The following GRID1 variants were observed in gnomAD, a reference collection of about 807,000 sequenced individuals.
GRID1 encodes glutamate receptor ionotropic, delta-1.
GRID1 carries 28 observed loss-of-function variants against 98.0 expected under a neutral mutation model. That is an observed-to-expected ratio of 0.29 (90% CI 0.21 to 0.39). The LOEUF is 0.39. Ranked by LOEUF, GRID1 falls within the 10% of genes least tolerant of loss-of-function variation. The probability of loss-of-function intolerance (pLI) is 1.00; values close to 1 mark genes in which losing one functional copy is unlikely to be tolerated. For synonymous variants in GRID1, 553 were observed against 538.5 expected, an observed-to-expected ratio of 1.03 and a Z score of -0.37; for missense variants, 1,111 against 1,340.5, an observed-to-expected ratio of 0.83 and a Z score of 2.67.
chr10:86,274,320 A>T (rs1847232983), intron 2 of GRID1, among the ~76,000 whole-genome samples: 1 of 152,194 alleles, frequency 6.6e-6, no homozygotes, highest in South Asian at 2.1e-4. Flanking sequence ...GTAGCCTTGT[A>T]GTATAGTTTG....
chr10:86,119,380 T>C (rs1311506495), intron 4 of GRID1, among the ~76,000 whole-genome samples: 3 of 152,026 alleles, frequency 2.0e-5, no homozygotes, highest in East Asian at 1.9e-4. Flanking sequence ...AAATGAAATA[T>C]AGACTTTAGT....
intron 12 of GRID1, among the ~76,000 whole-genome samples, chr10:85,697,720 C>T (rs1841409447): frequency 6.6e-6 from 1 of 152,056 alleles, no homozygotes; most frequent in Non-Finnish European, 1.5e-5. Flanking sequence ...TATGTAGCTC[C>T]GTTAAAATGT....
intron 2 of GRID1, among the ~76,000 whole-genome samples, chr10:86,227,654 C>T (rs1278521389): frequency 1.3e-5 from 2 of 152,078 alleles, no homozygotes; most frequent in Non-Finnish European, 2.9e-5. Flanking sequence ...ACGTCTGAGC[C>T]CCAGCCCATG....
chr10:85,973,615 T>C (rs976561150), intron 4 of GRID1, among the ~76,000 whole-genome samples: 3 of 152,236 alleles, frequency 2.0e-5, no homozygotes, highest in Non-Finnish European at 2.9e-5. Flanking sequence ...ATTTTCTAAC[T>C]ATTTCTATAT....
intron 8 of GRID1, among the ~76,000 whole-genome samples, chr10:85,819,539 T>A (rs1486235644): frequency 2.0e-5 from 3 of 152,230 alleles, no homozygotes; most frequent in Non-Finnish European, 4.4e-5. Flanking sequence ...GGATATCATG[T>A]ATCCCCTGAT....
Position 85,601,577 on chromosome 10 carries a change from A to AG in GRID1, c.*695_*696insC, listed in dbSNP as rs1842576485. ...CAGTATCAAAGCCCTCAATTACCTC[A>AG]CTATGGGTAATTGTCAGCTTCTCTC... is the stretch of plus-strand genomic sequence containing the variant. On this transcript the variant is annotated 3_prime_UTR_variant, in exon 16 of 16. Coordinates refer to ENST00000327946, the MANE Select transcript of GRID1 (RefSeq NM_017551.3). 1 of 152,202 alleles carries AG rather than the reference A, an allele frequency of 6.6e-6. No individual in the cohort carries two copies. Among genetic ancestry groups the AG allele is most frequent in the Non-Finnish European group, 1.5e-5 (1 of 68,060 alleles). The allele number at this position is 152,202 out of a possible 1,614,324, so 9.4% of individuals were successfully genotyped here.
At chr10:85,667,536 G>T (rs1273970534) in intron 12 of GRID1, among the ~76,000 whole-genome samples, 1 of 152,188 alleles carries the variant, frequency 6.6e-6, no homozygotes, top group East Asian at 1.9e-4. Flanking sequence ...GGAATCTGGA[G>T]CCCAGAAGGT....
chr10:86,210,196 T>C (rs1047472790), intron 2 of GRID1, among the ~76,000 whole-genome samples: 1 of 152,094 alleles, frequency 6.6e-6, no homozygotes, highest in African/African-American at 2.4e-5. Context: ...CCTTTCAGGG[T>C]CTCAGGAGAG....
intron 13 of GRID1, among the ~76,000 whole-genome samples, chr10:85,631,822 GA>G (rs2132535592): frequency 6.6e-6 from 1 of 152,186 alleles, no homozygotes; most frequent in East Asian, 1.9e-4. Context: ...ATTACAAAGG[GA>G]AAAGAATACA....
intron 4 of GRID1, among the ~76,000 whole-genome samples, chr10:85,961,100 C>T (rs1842260950): frequency 6.6e-6 from 1 of 152,114 alleles, no homozygotes; most frequent in Non-Finnish European, 1.5e-5. Flanking sequence ...GCAGTACATC[C>T]TAAGCCCAGA....
chr10:85,961,881 G>T (rs932543020), intron 4 of GRID1, among the ~76,000 whole-genome samples: 12 of 151,866 alleles, frequency 7.9e-5, no homozygotes, highest in Non-Finnish European at 1.8e-4. Context: ...AGAGAGAGAG[G>T]GAAGGAGGGA....
At chr10:85,643,540 A>G (rs1355279991) in intron 13 of GRID1, among the ~76,000 whole-genome samples, 2 of 152,196 alleles carry the variant, frequency 1.3e-5, no homozygotes, top group African/African-American at 4.8e-5. Flanking sequence ...CAGATTTCAG[A>G]CAAGCATTTA....
intron 2 of GRID1, among the ~76,000 whole-genome samples, chr10:86,357,099 G>C (rs1434451803): frequency 1.3e-5 from 2 of 152,226 alleles, no homozygotes; most frequent in African/African-American, 4.8e-5. Flanking sequence ...CCTAGACCTA[G>C]AAACAAAAGG....
intron 5 of GRID1, among the ~76,000 whole-genome samples, chr10:85,909,447 A>C (rs1398393607): frequency 5.9e-5 from 9 of 152,258 alleles, no homozygotes; most frequent in Admixed American, 5.9e-4. Flanking sequence ...CTTATACATA[A>C]ATGTTCATAG....
At position 85,686,763 on chromosome 10, in the gene GRID1, TTTTG is replaced by T. The variant is rs536704508; in HGVS notation, c.1997+36236_1997+36239del. Among the ~76,000 whole-genome samples the T allele has an allele frequency of 1.6e-4, 24 of 152,136 alleles. No individual in the cohort carries two copies. In the East Asian group the frequency reaches 2.5e-3, roughly 16 times the overall value. On this transcript the variant is annotated intron_variant, in intron 12 of 15. Coordinates refer to ENST00000327946, the MANE Select transcript of GRID1 (RefSeq NM_017551.3). The stretch of plus-strand genomic sequence containing the variant: ...ATTTACAGATGCATATTATATATAT[TTTTG>T]TTTGTTATATTACTTTTAATTTTTT...
At position 85,629,904 on chromosome 10, in the gene GRID1, T is replaced by C. The variant is rs1015875008; in HGVS notation, c.2194-9871A>G. Among the ~76,000 whole-genome samples the C allele has an allele frequency of 2.6e-5, 4 of 152,242 alleles. No homozygotes were observed. The South Asian group carries it at 8.3e-4, about 32-fold the overall frequency. On this transcript the variant is annotated intron_variant, in intron 13 of 15. Transcript: ENST00000327946. Reference sequence around the variant, plus strand: ...TTTGTCATTTTAATAATAGCCATTCTGACTGGTGTAAGTGATATCTCACTG... The same window carrying C: ...TTTGTCATTTTAATAATAGCCATTCCGACTGGTGTAAGTGATATCTCACTG...
At chr10:86,036,522 C>A (rs1227842431) in intron 4 of GRID1, among the ~76,000 whole-genome samples, 1 of 152,204 alleles carries the variant, frequency 6.6e-6, no homozygotes, top group Non-Finnish European at 1.5e-5. Flanking sequence ...CACCTCCAGC[C>A]CCAAGAAGGA....
intron 5 of GRID1, among the ~76,000 whole-genome samples, chr10:85,879,688 A>G (rs967156567): frequency 6.6e-6 from 1 of 152,172 alleles, no homozygotes; most frequent in African/African-American, 2.4e-5. Context: ...CAAAATTGAC[A>G]CCCTAACATC....
At chr10:86,158,350 G>A (rs141302336) in intron 3 of GRID1, among the ~76,000 whole-genome samples, 2 of 152,312 alleles carry the variant, frequency 1.3e-5, no homozygotes, top group African/African-American at 4.8e-5. Context: ...AGAATTAAAG[G>A]CCAGGTATTT....
Sources: gnomAD v4.1 joint callset for allele counts (sites outside exome capture counted in the v4.1 genomes callset) on GRCh38, gnomAD v4.1.1 for gene constraint, MANE v1.5 for transcripts, NCBI Gene and HGNC (gene_info 2026-07-23, HGNC 2026-07-21) for gene names.